Variants in GRK4 observed in about 807,000 individuals in gnomAD.
GRK4 encodes G protein-coupled receptor kinase 2-like.
In GRK4, 73 loss-of-function variants were observed where a neutral mutation model predicts 77.9. The ratio of observed to expected loss-of-function variants is 0.94; its 90% CI spans 0.78 to 1.14. The LOEUF is 1.14. Ranked by LOEUF, GRK4 falls within the 50% of genes most tolerant of loss-of-function variation. GRK4 has a pLI of 0.00. For missense variants in GRK4, 729 were observed against 700.2 expected (o/e 1.04, Z -0.46); for synonymous variants, 257 against 254.4 (o/e 1.01, Z -0.10).
chr4:2,963,875 G>A lies in GRK4; in HGVS notation c.-196G>A, dbSNP rs1352448609. The A allele has an allele frequency of 1.6e-6, 1 of 637,718 alleles. No individual in the cohort carries two copies. Among genetic ancestry groups the A allele is most frequent in the East Asian group, 2.9e-5 (1 of 34,624 alleles). 39.5% of individuals were successfully genotyped at this position (637,718 alleles called of 1,614,324 possible). A position where few individuals can be genotyped will look rare whatever the true frequency, so the allele number is the denominator to read the frequency against. On this transcript the variant is annotated 5_prime_UTR_variant, in exon 1 of 16. Coordinates refer to ENST00000398052, the MANE Select transcript of GRK4 (RefSeq NM_182982.3). The stretch of plus-strand genomic sequence containing the variant: ...GCCCCGACCGCTCCCCTGCTGGTGA[G>A]GGCCTGCGGAGGCGGCGGCGGCGGC...
chr4:3,001,091 G>GTGTGTGTGTC lies in GRK4; in HGVS notation c.340-3131_340-3130insCTGTGTGTGT, dbSNP rs1729487087. ...AATGAGACTATATATATATATATAT[G>GTGTGTGTGTC]TGTGTGTGTGTGTGTATATATATGT... On this transcript the variant is annotated intron_variant, in intron 4 of 15. Coordinates refer to ENST00000398052, the MANE Select transcript of GRK4 (RefSeq NM_182982.3). Among the ~76,000 whole-genome samples, 2 of 78,008 alleles carry GTGTGTGTGTC rather than the reference G, an allele frequency of 2.6e-5. 1 individual carries two copies. Among genetic ancestry groups the GTGTGTGTGTC allele is most frequent in the East Asian group, 4.6e-4 (2 of 4,350 alleles). 51.2% of individuals were successfully genotyped at this position (78,008 alleles called of 152,430 possible). A position where few individuals can be genotyped will look rare whatever the true frequency, so the allele number is the denominator to read the frequency against.
chr4:3,035,175 G>T (rs1402896779), intron 12 of GRK4, among the ~76,000 whole-genome samples: 2 of 151,946 alleles, frequency 1.3e-5, no homozygotes, highest in African/African-American at 4.8e-5. Flanking sequence ...AACCCGGGAG[G>T]CTGAGCTTGC....
chr4:2,986,686 T>G (rs1021468660), intron 2 of GRK4: 2 of 177,354 alleles, frequency 1.1e-5, no homozygotes, highest in Non-Finnish European at 2.4e-5. Flanking sequence ...GAAGTTTTAG[T>G]ATTTTTATAG....
intron 4 of GRK4, 68 bp downstream of exon 4, chr4:2,992,360 GT>G (rs1726473478): frequency 2.9e-6 from 3 of 1,052,028 alleles, no homozygotes; most frequent in Non-Finnish European, 4.4e-6. Context: ...TTTTTACTTT[GT>G]TAGATAAGAC....
In GRK4 at chr4:2,974,447, T is replaced by C. The variant is rs977070082; in HGVS notation, c.53-10066T>C. On this transcript the variant is annotated intron_variant, in intron 1 of 15. Coordinates refer to ENST00000398052, the MANE Select transcript of GRK4 (RefSeq NM_182982.3). ...GGGCTTTATATCTCAGTGCCCTCTT[T>C]ATACTATCTCAACGACGGTGTCAGT... is the stretch of plus-strand genomic sequence containing the variant. Among the ~76,000 whole-genome samples, 14 of 152,364 alleles carry C rather than the reference T, an allele frequency of 9.2e-5. No homozygotes were observed. In the East Asian group the frequency reaches 2.1e-3, roughly 23 times the overall value.
intron 15 of GRK4, chr4:3,038,796 C>T: frequency 5.7e-6 from 2 of 348,762 alleles, no homozygotes; most frequent in Non-Finnish European, 1.0e-5. Context: ...ATAGTTTACA[C>T]TGGGCTCAGA....
intron 1 of GRK4, among the ~76,000 whole-genome samples, chr4:2,981,661 G>A (rs1722903301): frequency 6.6e-6 from 1 of 152,220 alleles, no homozygotes; most frequent in Non-Finnish European, 1.5e-5. Flanking sequence ...ATGCTGATTG[G>A]TCCGTGGGCG....
intron 12 of GRK4, among the ~76,000 whole-genome samples, chr4:3,032,682 C>T (rs1019877081): frequency 1.3e-5 from 2 of 152,154 alleles, no homozygotes; most frequent in African/African-American, 2.4e-5. Flanking sequence ...TCTCCCAGCT[C>T]AGTTTCTCAT....
intron 3 of GRK4, among the ~76,000 whole-genome samples, chr4:2,989,186 A>G (rs6813002): frequency 0.016 from 2,483 of 152,182 alleles, 61 homozygotes; most frequent in African/African-American, 0.057. Flanking sequence ...GTCTCAAAAA[A>G]AAAGAAAATG....
intron 13 of GRK4, among the ~76,000 whole-genome samples, chr4:3,036,223 C>G (rs1740600487): frequency 6.6e-6 from 1 of 152,230 alleles, no homozygotes; most frequent in Admixed American, 6.5e-5. Context: ...CGTGTCCCCA[C>G]TCTGCTTCTC....
intron 1 of GRK4, among the ~76,000 whole-genome samples, chr4:2,980,251 C>G (rs1268536812): frequency 6.6e-6 from 1 of 152,094 alleles, no homozygotes; most frequent in African/African-American, 2.4e-5. Context: ...GCCATGGCCA[C>G]CCAGCCTCCC....
intron 1 of GRK4, among the ~76,000 whole-genome samples, chr4:2,971,931 C>T (rs753026279): frequency 2.6e-5 from 4 of 152,168 alleles, no homozygotes; most frequent in East Asian, 1.9e-4. Flanking sequence ...TGGATTAGGG[C>T]CCACCCTAAT....
intron 3 of GRK4, among the ~76,000 whole-genome samples, chr4:2,990,346 T>C (rs1237235526): frequency 7.2e-6 from 1 of 138,298 alleles, no homozygotes; most frequent in Non-Finnish European, 1.5e-5. Flanking sequence ...AACCTCCGCC[T>C]CCCAGGTTCA....
chr4:3,018,575 T>C (rs1735194631), intron 8 of GRK4, among the ~76,000 whole-genome samples: 1 of 152,024 alleles, frequency 6.6e-6, no homozygotes, highest in African/African-American at 2.4e-5. Context: ...TAAAATGTTA[T>C]TATAAGAAAT....
In GRK4 at chr4:3,007,547, C is replaced by G. The variant is rs569590861; in HGVS notation, c.444-189C>G. 6.4e-4 allele frequency among the ~76,000 whole-genome samples: 97 copies of G among 152,314 alleles called. 2 individuals are homozygous for G. The highest frequency in any genetic ancestry group is 3.4e-3 in the Middle Eastern group (1 of 294). On this transcript the variant is annotated intron_variant, in intron 5 of 15. Transcript: ENST00000398052. Reference sequence around the variant, plus strand: ...TATTTCACTGCTTTTTTCATTCATTCTATTTCACTTCTGTTTTCACTTATA... The same window carrying G: ...TATTTCACTGCTTTTTTCATTCATTGTATTTCACTTCTGTTTTCACTTATA...
chr4:2,983,261 G>A (rs1032591445), intron 1 of GRK4, among the ~76,000 whole-genome samples: 2 of 152,190 alleles, frequency 1.3e-5, no homozygotes, highest in African/African-American at 2.4e-5. Flanking sequence ...AGAGCTCATC[G>A]TGTTCCAAGG....
At chr4:2,976,339 C>T (rs1391172955) in intron 1 of GRK4, among the ~76,000 whole-genome samples, 2 of 151,938 alleles carry the variant, frequency 1.3e-5, no homozygotes, top group Admixed American at 1.3e-4. Flanking sequence ...TCCAGTGATC[C>T]TCCCACCTCA....
intron 1 of GRK4, among the ~76,000 whole-genome samples, chr4:2,981,878 G>A (rs761272079): frequency 2.6e-5 from 4 of 152,242 alleles, no homozygotes; most frequent in Admixed American, 6.5e-5. Flanking sequence ...ACTCAGCCAC[G>A]CCTTGGCCTC....
intron 7 of GRK4, among the ~76,000 whole-genome samples, chr4:3,013,094 A>G (rs1408821323): frequency 6.6e-6 from 1 of 151,022 alleles, no homozygotes; most frequent in African/African-American, 2.4e-5. Context: ...CCCAGGCTGG[A>G]GTGCAGTGGC....
Sources: allele counts gnomAD v4.1 joint callset (sites outside exome capture counted in the v4.1 genomes callset), GRCh38; gene constraint gnomAD v4.1.1; transcripts MANE v1.5; gene names NCBI Gene and HGNC (gene_info 2026-07-23, HGNC 2026-07-21).